Variants in ANKIB1 observed in about 807,000 individuals in gnomAD.
The protein encoded by ANKIB1 is ankyrin repeat and IBR domain-containing protein 1.
Under a neutral mutation model 122.1 loss-of-function variants are expected in ANKIB1, and 43 were observed. The ratio of observed to expected loss-of-function variants is 0.35; its 90% CI spans 0.28 to 0.45. The LOEUF (loss-of-function observed/expected upper bound fraction) is 0.45. Ranked by LOEUF, ANKIB1 falls within the 20% of genes least tolerant of loss-of-function variation. ANKIB1 has a pLI of 1.00. For synonymous variants in ANKIB1, 390 were observed against 442.0 expected (o/e 0.88, Z 1.48); for missense variants, 992 against 1,329.5 (o/e 0.75, Z 3.95).
At chr7:92,296,780 CAAAG>C (rs965656203) in intron 2 of ANKIB1, among the ~76,000 whole-genome samples, 1 of 152,006 alleles carries the variant, frequency 6.6e-6, no homozygotes, top group Non-Finnish European at 1.5e-5. Context: ...AATCATTACA[CAAAG>C]AAATATTTTT....
At chr7:92,383,572 A>C (rs573944881) in intron 11 of ANKIB1, among the ~76,000 whole-genome samples, 1 of 152,340 alleles carries the variant, frequency 6.6e-6, no homozygotes, top group South Asian at 2.1e-4. Flanking sequence ...CCTGGGATGC[A>C]AGACTGGTTC....
At position 92,391,180 on chromosome 7, in the gene ANKIB1, G is replaced by C; in HGVS notation, c.2067G>C (p.Met689Ile). 1.9e-6 allele frequency: 3 copies of C among 1,609,968 alleles called. No homozygotes were observed. The Middle Eastern group carries it at 5.0e-4, about 267-fold the overall frequency. ...IFELMQTDLE[M>I]VTEDLAQKVN... ...GCTTACTATAGACAGACCTAGAAAT[G>C]GTCACTGAAGACCTTGCCCAGAAAG... is the stretch of plus-strand genomic sequence containing the variant. Residue 689 changes from methionine to isoleucine, a missense_variant, in exon 16 of 20, where the codon ATG (methionine) becomes ATC (isoleucine). This residue lies in a region of ANKIB1 where 521 missense variants were observed against 777.7 expected (regional missense o/e 0.67). Coordinates refer to ENST00000265742, the MANE Select transcript of ANKIB1 (RefSeq NM_019004.2).
intron 5 of ANKIB1, among the ~76,000 whole-genome samples, chr7:92,334,862 T>C (rs1296509292): frequency 2.0e-5 from 3 of 151,974 alleles, no homozygotes; most frequent in East Asian, 1.9e-4. Context: ...TTCTTTTTGC[T>C]GTTGTAAACA....
At chr7:92,311,717 GCC>G (rs565443678) in intron 3 of ANKIB1, among the ~76,000 whole-genome samples, 17 of 146,650 alleles carry the variant, frequency 1.2e-4, no homozygotes, top group African/African-American at 2.5e-4. Flanking sequence ...TGTAATAAGC[GCC>G]CCCCCCACAC....
chr7:92,396,986 T>G (rs938771098), intron 18 of ANKIB1, among the ~76,000 whole-genome samples: 2 of 152,202 alleles, frequency 1.3e-5, no homozygotes, highest in African/African-American at 4.8e-5. Flanking sequence ...CTTTTAAATG[T>G]TAAATTATTA....
intron 4 of ANKIB1, among the ~76,000 whole-genome samples, chr7:92,321,401 A>C (rs949222096): frequency 6.6e-6 from 1 of 152,034 alleles, no homozygotes; most frequent in Non-Finnish European, 1.5e-5. Context: ...TTTTCATAGG[A>C]CCTATCACAT....
chr7:92,279,721 A>C lies in ANKIB1; in HGVS notation c.-90-15168A>C, dbSNP rs552770549. 7.2e-5 allele frequency among the ~76,000 whole-genome samples: 11 copies of C among 152,320 alleles called. No individual in the cohort carries two copies. The East Asian group carries it at 2.1e-3, about 29-fold the overall frequency. Reference sequence around the variant, plus strand: ...AGGACCTGTGAATTTAACATTCCCAAAAAGCTTGCAGTTAGTCTTTGCAGC... The same window carrying C: ...AGGACCTGTGAATTTAACATTCCCACAAAGCTTGCAGTTAGTCTTTGCAGC... On this transcript the variant is annotated intron_variant, in intron 1 of 19. Transcript: ENST00000265742.
chr7:92,360,777 T>A (rs1276748325), intron 9 of ANKIB1, among the ~76,000 whole-genome samples: 1 of 152,250 alleles, frequency 6.6e-6, no homozygotes, highest in South Asian at 2.1e-4. Context: ...TTAACAAATA[T>A]GAAGTATAAT....
chr7:92,391,709 A>G (rs1804788519), intron 16 of ANKIB1, among the ~76,000 whole-genome samples: 1 of 152,148 alleles, frequency 6.6e-6, no homozygotes, highest in Non-Finnish European at 1.5e-5. Flanking sequence ...AAACTTTGCC[A>G]GCTTGTTATG....
chr7:92,294,443 A>G (rs983389509), intron 1 of ANKIB1: 1 of 153,838 alleles, frequency 6.5e-6, no homozygotes, highest in African/African-American at 2.4e-5. Flanking sequence ...CCTTTACTGC[A>G]TTTTAACGCC....
At chr7:92,266,408 G>A (rs1801672571) in intron 1 of ANKIB1, among the ~76,000 whole-genome samples, 1 of 152,156 alleles carries the variant, frequency 6.6e-6, no homozygotes, top group Middle Eastern at 3.2e-3. Context: ...CAGATATAGG[G>A]AGCAACCATT....
intron 1 of ANKIB1, among the ~76,000 whole-genome samples, chr7:92,248,975 C>T (rs984506789): frequency 2.0e-5 from 3 of 150,474 alleles, no homozygotes; most frequent in South Asian, 2.1e-4. Flanking sequence ...ACAACCTCCG[C>T]CTCCTGGGGT....
At chr7:92,327,264 G>A (rs1803048384) in intron 4 of ANKIB1, among the ~76,000 whole-genome samples, 1 of 152,206 alleles carries the variant, frequency 6.6e-6, no homozygotes, top group South Asian at 2.1e-4. Flanking sequence ...AAAGAGACTT[G>A]TGAAAAGGCA....
At chr7:92,249,775 C>T (rs928879212) in intron 1 of ANKIB1, among the ~76,000 whole-genome samples, 2 of 151,864 alleles carry the variant, frequency 1.3e-5, no homozygotes, top group African/African-American at 4.8e-5. Context: ...CTAATTTGTG[C>T]CAGTCACCAT....
chr7:92,310,387 T>G (rs897660711), intron 3 of ANKIB1, among the ~76,000 whole-genome samples: 2 of 152,162 alleles, frequency 1.3e-5, no homozygotes, highest in African/African-American at 4.8e-5. Flanking sequence ...GCATATTTTA[T>G]TCAGATAAAG....
At chr7:92,323,233 T>C (rs1297684073) in intron 4 of ANKIB1, among the ~76,000 whole-genome samples, 2 of 152,328 alleles carry the variant, frequency 1.3e-5, no homozygotes, top group South Asian at 2.1e-4. Context: ...TTTTATTTCA[T>C]TAGTATATTA....
intron 4 of ANKIB1, among the ~76,000 whole-genome samples, chr7:92,321,601 C>G (rs1363620571): frequency 6.6e-6 from 1 of 152,100 alleles, no homozygotes; most frequent in Admixed American, 6.6e-5. Context: ...AAATTTTTTC[C>G]TCCCAAAAGG....
intron 9 of ANKIB1, among the ~76,000 whole-genome samples, chr7:92,356,208 G>T (rs1444382066): frequency 1.3e-5 from 2 of 152,160 alleles, no homozygotes; most frequent in Non-Finnish European, 1.5e-5. Flanking sequence ...GACCTCACAG[G>T]CCAAGGGACT....
At position 92,399,809 on chromosome 7, in the gene ANKIB1, C is replaced by T. The variant is rs769886825; in HGVS notation, c.*860C>T. 4.6e-5 allele frequency: 7 copies of T among 152,042 alleles called. No homozygotes were observed. Among genetic ancestry groups the T allele is most frequent in the Non-Finnish European group, 8.8e-5 (6 of 68,000 alleles). 9.4% of individuals were successfully genotyped at this position (152,042 alleles called of 1,614,324 possible). The stretch of plus-strand genomic sequence containing the variant: ...TTAAAATACAGTTGATTAGCAACAG[C>T]GGTGCTGTATTTTAAGAGACACTTT... On this transcript the variant is annotated 3_prime_UTR_variant, in exon 20 of 20. Transcript: ENST00000265742.
Sources: allele counts gnomAD v4.1 joint callset (sites outside exome capture counted in the v4.1 genomes callset), GRCh38; gene constraint gnomAD v4.1.1; regional missense constraint gnomAD v4.1.1; transcripts MANE v1.5; gene names NCBI Gene and HGNC (gene_info 2026-07-23, HGNC 2026-07-21).